The following CTNNA2 variants were observed in gnomAD, a reference collection of about 807,000 sequenced individuals.
The protein encoded by CTNNA2 is catenin alpha 2.
In CTNNA2, 42 loss-of-function variants were observed where a neutral mutation model predicts 101.0. The ratio of observed to expected loss-of-function variants is 0.42; its 90% CI spans 0.32 to 0.54. The LOEUF (loss-of-function observed/expected upper bound fraction) is 0.54, where lower values mean the gene tolerates loss of function less well. Among genes scored for constraint, CTNNA2 ranks in the 20% least tolerant of loss-of-function variants. The pLI, the probability that CTNNA2 is intolerant of heterozygous loss-of-function variation, is 0.14. For missense variants in CTNNA2, 871 were observed against 1,223.1 expected, an observed-to-expected ratio of 0.71 and a Z score of 4.29; for synonymous variants, 450 against 456.4, an observed-to-expected ratio of 0.99 and a Z score of 0.18.
At chr2:79,561,105 A>G (rs1428112843) in intron 1 of CTNNA2, among the ~76,000 whole-genome samples, 1 of 151,826 alleles carries the variant, frequency 6.6e-6, no homozygotes, top group African/African-American at 2.4e-5. Flanking sequence ...TCTCATCTCT[A>G]GGCTTACTGT....
intron 1 of CTNNA2, among the ~76,000 whole-genome samples, chr2:79,612,105 G>A (rs988138789): frequency 6.6e-6 from 1 of 152,108 alleles, no homozygotes; most frequent in Non-Finnish European, 1.5e-5. Context: ...TGTGAGCTTA[G>A]CAACTGTTTG....
At chr2:79,239,521 A>T (rs1374438629) in intron 2 of CTNNA2, among the ~76,000 whole-genome samples, 1 of 152,206 alleles carries the variant, frequency 6.6e-6, no homozygotes, top group African/African-American at 2.4e-5. Flanking sequence ...CTCCAGCTCA[A>T]AAAACAACAA....
chr2:80,081,808 CTCA>C (rs1351916402), intron 7 of CTNNA2, among the ~76,000 whole-genome samples: 3 of 151,842 alleles, frequency 2.0e-5, no homozygotes, highest in African/African-American at 7.3e-5. Flanking sequence ...TATCTCCTCT[CTCA>C]TCTTTGAAAA....
intron 4 of CTNNA2, among the ~76,000 whole-genome samples, chr2:79,453,474 A>G (rs1410349088): frequency 6.6e-6 from 1 of 152,164 alleles, no homozygotes; most frequent in Non-Finnish European, 1.5e-5. Flanking sequence ...AATTTGTGCC[A>G]ACAGATAAGT....
intron 12 of CTNNA2, among the ~76,000 whole-genome samples, chr2:80,571,431 T>A (rs533684887): frequency 6.6e-6 from 1 of 152,164 alleles, no homozygotes; most frequent in African/African-American, 2.4e-5. Context: ...TTTTTAAACA[T>A]GTGAATTATG....
chr2:79,436,104 G>T (rs62156993), intron 4 of CTNNA2, among the ~76,000 whole-genome samples: 3,676 of 152,190 alleles, frequency 0.024, 48 homozygotes, highest in Middle Eastern at 0.054. Flanking sequence ...AGCACCACAG[G>T]CTTTTCTGAT....
chr2:80,429,022 A>G lies in CTNNA2; in HGVS notation c.1290+9421A>G, dbSNP rs890643874. Among the ~76,000 whole-genome samples the G allele has an allele frequency of 1.2e-4, 18 of 152,290 alleles. No homozygotes were observed. In the East Asian group the frequency reaches 3.3e-3, roughly 28 times the overall value. ...TTGAGCCATAGCAATTCTGTAAATA[A>G]TAATACTCTATAAGAGCTATTTTGT... On this transcript the variant is annotated intron_variant, in intron 9 of 18. Coordinates refer to ENST00000402739, the MANE Select transcript of CTNNA2 (RefSeq NM_001282597.3).
chr2:79,411,210 G>C (rs1462483431), intron 4 of CTNNA2, among the ~76,000 whole-genome samples: 1 of 151,224 alleles, frequency 6.6e-6, no homozygotes, highest in Non-Finnish European at 1.5e-5. Context: ...TATTAGTCTT[G>C]CTAGCGGTCT....
chr2:79,987,509 G>C (rs1266983505), intron 7 of CTNNA2, among the ~76,000 whole-genome samples: 1 of 152,296 alleles, frequency 6.6e-6, no homozygotes, highest in East Asian at 1.9e-4. Flanking sequence ...GTGATATTTA[G>C]CTCATAACAT....
intron 2 of CTNNA2, among the ~76,000 whole-genome samples, chr2:79,209,779 A>T (rs1674146724): frequency 6.6e-6 from 1 of 152,358 alleles, no homozygotes; most frequent in Non-Finnish European, 1.5e-5. Context: ...CAACTACATC[A>T]GTTCCCTTTC....
At chr2:80,602,661 T>C (rs1697654134) in intron 15 of CTNNA2, among the ~76,000 whole-genome samples, 1 of 152,090 alleles carries the variant, frequency 6.6e-6, no homozygotes, top group Admixed American at 6.6e-5. Flanking sequence ...AATAAAAATA[T>C]GTTAGGGAAT....
intron 2 of CTNNA2, among the ~76,000 whole-genome samples, chr2:79,674,694 C>T (rs1337081256): frequency 6.6e-6 from 1 of 152,046 alleles, no homozygotes; most frequent in Admixed American, 6.6e-5. Context: ...AGGGAAATGG[C>T]TAAGGAGAGA....
At chr2:79,825,461 G>A (rs972612212) in intron 3 of CTNNA2, among the ~76,000 whole-genome samples, 4 of 151,108 alleles carry the variant, frequency 2.6e-5, no homozygotes, top group Non-Finnish European at 4.4e-5. Context: ...TGGAGGTTGC[G>A]AGGGGAAAAA....
chr2:79,910,896 A>G (rs1237702854), intron 7 of CTNNA2, among the ~76,000 whole-genome samples: 1 of 152,218 alleles, frequency 6.6e-6, no homozygotes, highest in African/African-American at 2.4e-5. Flanking sequence ...CTGACCCTCC[A>G]GAGAACTCAC....
chr2:79,413,515 C>T (rs1325696510), intron 4 of CTNNA2, among the ~76,000 whole-genome samples: 2 of 151,954 alleles, frequency 1.3e-5, no homozygotes, highest in African/African-American at 2.4e-5. Context: ...AATAGTGCTG[C>T]AATAATCATG....
At chr2:79,870,801 C>T (rs917381393) in intron 5 of CTNNA2, among the ~76,000 whole-genome samples, 1 of 152,124 alleles carries the variant, frequency 6.6e-6, no homozygotes, top group Non-Finnish European at 1.5e-5. Flanking sequence ...AACTCACTCA[C>T]TATCACGAGA....
chr2:80,600,988 T>C (rs1266992593), intron 15 of CTNNA2, among the ~76,000 whole-genome samples: 1 of 152,190 alleles, frequency 6.6e-6, no homozygotes, highest in Non-Finnish European at 1.5e-5. Context: ...CCTTGAGCTT[T>C]TTCAAGATCT....
In CTNNA2 at chr2:80,097,179, T is replaced by G. The variant is rs889695272; in HGVS notation, c.1056+187382T>G. On this transcript the variant is annotated intron_variant, in intron 7 of 18. Coordinates refer to ENST00000402739, the MANE Select transcript of CTNNA2 (RefSeq NM_001282597.3). The stretch of plus-strand genomic sequence containing the variant: ...CTTTCCATGTTTAGTGCTTCCTTCA[T>G]GAGCTCTTTTATGGCAGGCCTGGTG... Among the ~76,000 whole-genome samples, 8 of 152,282 alleles carry G rather than the reference T, an allele frequency of 5.3e-5. No homozygotes were observed. In the South Asian group the frequency reaches 6.2e-4, roughly 12 times the overall value.
At chr2:80,162,781 A>G in intron 7 of CTNNA2, 1 of 1,590,444 alleles carries the variant, frequency 6.3e-7, no homozygotes, top group South Asian at 1.1e-5. Context: ...TTTCCACCAT[A>G]TGACATTTGT....
Sources: allele counts gnomAD v4.1 joint callset (sites outside exome capture counted in the v4.1 genomes callset), GRCh38; gene constraint gnomAD v4.1.1; transcripts MANE v1.5; gene names NCBI Gene and HGNC (gene_info 2026-07-23, HGNC 2026-07-21).